The following NAV1 variants were observed in gnomAD, a reference collection of about 807,000 sequenced individuals.
NAV1 encodes the protein neuron navigator 1, also known as pore membrane and/or filament interacting like protein 3.
NAV1 carries 18 observed loss-of-function variants against 175.2 expected under a neutral mutation model. The observed-to-expected ratio is 0.10, with a 90% confidence interval of 0.07 to 0.15. The LOEUF (loss-of-function observed/expected upper bound fraction) is 0.15, where lower values mean the gene tolerates loss of function less well. NAV1 is among the 10% of genes least tolerant of loss of function. The pLI is 1.00. For synonymous variants in NAV1, 897 were observed against 978.7 expected (o/e 0.92, Z 1.56); for missense variants, 1,731 against 2,436.6 (o/e 0.71, Z 6.10).
intron 2 of NAV1, among the ~76,000 whole-genome samples, chr1:201,616,331 CA>C (rs1251963675): frequency 8.5e-5 from 13 of 152,136 alleles, no homozygotes; most frequent in African/African-American, 3.1e-4. Context: ...CGGATAGACC[CA>C]GGGGCATGAG....
At chr1:201,826,186 C>T (rs1343271868) in exon 30 of NAV1, 1 of 152,160 alleles carries the variant, frequency 6.6e-6, no homozygotes, top group African/African-American at 2.4e-5. Context: ...AAGGACTAAA[C>T]CCCGGGGGAG....
intron 1 of NAV1, among the ~76,000 whole-genome samples, chr1:201,683,749 T>C (rs1421797184): frequency 6.6e-6 from 1 of 152,156 alleles, no homozygotes; most frequent in East Asian, 1.9e-4. Flanking sequence ...TAAGGTGGTG[T>C]TCATTGAGTT....
At chr1:201,618,346 A>G (rs554286024), upstream of NAV1, among the ~76,000 whole-genome samples, 48 of 152,308 alleles carry the variant, frequency 3.2e-4, 1 homozygote, top group East Asian at 8.7e-3. Context: ...GACCTACAGT[A>G]CCACCGAAGG....
intron 2 of NAV1, among the ~76,000 whole-genome samples, chr1:201,642,461 G>C (rs749688446): frequency 6.6e-6 from 1 of 151,412 alleles, no homozygotes; most frequent in Non-Finnish European, 1.5e-5. Flanking sequence ...TCCTGACCTC[G>C]TGATTCACCC....
intron 1 of NAV1, among the ~76,000 whole-genome samples, chr1:201,579,345 C>T (rs971887268): frequency 5.3e-5 from 8 of 152,080 alleles, no homozygotes; most frequent in African/African-American, 1.9e-4. Context: ...GTCCCAAGGT[C>T]CCTACTTCAT....
intron 2 of NAV1, 55 bp downstream of exon 6, chr1:201,712,974 C>T (rs1399968294): frequency 6.4e-6 from 9 of 1,395,594 alleles, no homozygotes; most frequent in African/African-American, 4.2e-5. Context: ...CTCTCCACCC[C>T]ATTCTGGAGG....
intron 3 of NAV1, among the ~76,000 whole-genome samples, chr1:201,756,988 G>A (rs554519952): frequency 1.6e-4 from 25 of 152,060 alleles, no homozygotes; most frequent in Admixed American, 8.5e-4. Flanking sequence ...ATAGTGGCAG[G>A]TCTGGCATAG....
exon 7 of NAV1, chr1:201,783,581 C>G (rs1367209811): frequency 1.2e-6 from 2 of 1,614,176 alleles, no homozygotes; most frequent in South Asian, 2.2e-5. Context: ...CACCCCCAGT[C>G]CGGCACCCAT....
intron 1 of NAV1, among the ~76,000 whole-genome samples, chr1:201,684,104 T>A (rs1670575174): frequency 6.6e-6 from 1 of 152,198 alleles, no homozygotes; most frequent in South Asian, 2.1e-4. Context: ...CATACTCCAA[T>A]CTTTATTTAC....
At chr1:201,793,914 C>T (rs537741854) in intron 14 of NAV1, 39 bp downstream of exon 18, 10 of 1,464,408 alleles carry the variant, frequency 6.8e-6, no homozygotes, top group Admixed American at 1.8e-5. Context: ...GTGGGTGCGG[C>T]GAGGGGGTTC....
intron 1 of NAV1, among the ~76,000 whole-genome samples, chr1:201,682,695 A>T (rs1158903395): frequency 1.3e-5 from 2 of 151,450 alleles, no homozygotes; most frequent in Non-Finnish European, 2.9e-5. Context: ...GGAATACTTT[A>T]TTTTCATTAC....
chr1:201,612,294 T>TA (rs1299572130), intron 2 of NAV1, among the ~76,000 whole-genome samples: 1 of 151,880 alleles, frequency 6.6e-6, no homozygotes, highest in East Asian at 1.9e-4. Context: ...TACAAAAAAT[T>TA]AAAAAACAAA....
chr1:201,682,993 T>G (rs1670524845), intron 1 of NAV1, among the ~76,000 whole-genome samples: 1 of 152,166 alleles, frequency 6.6e-6, no homozygotes, highest in Non-Finnish European at 1.5e-5. Context: ...GATAAATTAT[T>G]ATTAACTTGG....
At chr1:201,760,076 A>G (rs1674745306) in intron 3 of NAV1, among the ~76,000 whole-genome samples, 1 of 152,242 alleles carries the variant, frequency 6.6e-6, no homozygotes, top group Admixed American at 6.5e-5. Flanking sequence ...AAAAAGAGTT[A>G]CAAAAGTTAC....
exon 1 of NAV1, chr1:201,648,717 A>AGCG (rs1198231776): frequency 1.8e-5 from 25 of 1,419,858 alleles, no homozygotes; most frequent in Middle Eastern, 2.3e-4. Context: ...GGAGCTGAGC[A>AGCG]GCGGCGGCGG....
intron 3 of NAV1, among the ~76,000 whole-genome samples, chr1:201,752,882 T>C (rs1674215557): frequency 6.6e-6 from 1 of 152,182 alleles, no homozygotes; most frequent in African/African-American, 2.4e-5. Flanking sequence ...TGCAAATTTT[T>C]CCCCCATGAA....
chr1:201,548,792 G>A (rs1039180462), intron 1 of NAV1, among the ~76,000 whole-genome samples: 2 of 152,108 alleles, frequency 1.3e-5, no homozygotes, highest in African/African-American at 2.4e-5. Flanking sequence ...AAAGAGAGTC[G>A]GGTTTAGTGT....
At chr1:201,565,443 G>T (rs58946049) in intron 1 of NAV1, among the ~76,000 whole-genome samples, 27,867 of 152,160 alleles carry the variant, frequency 0.18, 3,161 homozygotes, top group African/African-American at 0.29. Flanking sequence ...ACTCCAGGCC[G>T]AGGAGGCACA....
intron 2 of NAV1, among the ~76,000 whole-genome samples, chr1:201,590,731 G>A (rs543792092): frequency 3.9e-5 from 6 of 152,340 alleles, no homozygotes; most frequent in East Asian, 1.9e-4. Context: ...TGGCTTAGCC[G>A]AGTCGGCCAG....
Sources: gnomAD v4.1 joint callset for allele counts (sites outside exome capture counted in the v4.1 genomes callset) on GRCh38, gnomAD v4.1.1 for gene constraint, MANE v1.5 for transcripts, NCBI Gene and HGNC (gene_info 2026-07-23, HGNC 2026-07-21) for gene names.